Variants in ARHGEF3 observed in about 807,000 individuals in gnomAD.
ARHGEF3 encodes the protein Rho guanine nucleotide exchange factor 3.
In ARHGEF3, 28 loss-of-function variants were observed where a neutral mutation model predicts 63.2. The ratio of observed to expected loss-of-function variants is 0.44; its 90% CI spans 0.33 to 0.61. The LOEUF (loss-of-function observed/expected upper bound fraction) is 0.61. Ranked by LOEUF, ARHGEF3 falls within the 20% of genes least tolerant of loss-of-function variation. The pLI is 0.03. For synonymous variants in ARHGEF3, 266 were observed against 254.2 expected (o/e 1.05, Z -0.44); for missense variants, 533 against 659.3 (o/e 0.81, Z 2.10).
chr3:56,950,728 T>C (rs971211727), intron 3 of ARHGEF3, among the ~76,000 whole-genome samples: 1 of 152,050 alleles, frequency 6.6e-6, no homozygotes, highest in Non-Finnish European at 1.5e-5. Flanking sequence ...TGGCGATTCC[T>C]CAGGGATCTA....
intron 2 of ARHGEF3, among the ~76,000 whole-genome samples, chr3:56,768,387 G>C (rs1339668921): frequency 2.0e-5 from 3 of 150,034 alleles, no homozygotes; most frequent in Non-Finnish European, 4.4e-5. Flanking sequence ...TATATTATCA[G>C]AAAACAAAGC....
intron 1 of ARHGEF3, among the ~76,000 whole-genome samples, chr3:56,786,015 C>T (rs1400088879): frequency 2.0e-5 from 3 of 152,144 alleles, no homozygotes; most frequent in Non-Finnish European, 4.4e-5. Context: ...AAGATGCTCC[C>T]TGGTTAACTC....
intron 2 of ARHGEF3, among the ~76,000 whole-genome samples, chr3:56,994,733 C>A (rs1277393988): frequency 6.6e-6 from 1 of 152,120 alleles, no homozygotes; most frequent in African/African-American, 2.4e-5. Context: ...TCCCCCGAAT[C>A]CAGGACAATA....
chr3:56,856,780 A>T (rs1456775229), intron 4 of ARHGEF3, among the ~76,000 whole-genome samples: 1 of 138,632 alleles, frequency 7.2e-6, no homozygotes, highest in Non-Finnish European at 1.5e-5. Flanking sequence ...AACTGGAATT[A>T]AAAAAAAAAA....
In ARHGEF3 at chr3:56,753,818, T is replaced by C. The variant is rs191027560; in HGVS notation, c.376-252A>G. ...CTAGTCCAAAAAGTCATCTTTCATG[T>C]TACAGAACTTTGATGCAGCTGAACA... On this transcript the variant is annotated intron_variant, in intron 3 of 9. Transcript: ENST00000296315. 3.6e-3 allele frequency among the ~76,000 whole-genome samples: 554 copies of C among 152,342 alleles called. 4 individuals are homozygous for C. The highest frequency in any genetic ancestry group is 6.0e-3 in the Non-Finnish European group (407 of 68,030).
intron 1 of ARHGEF3, chr3:57,074,527 G>A (rs375488251): frequency 8.5e-5 from 41 of 484,724 alleles, no homozygotes; most frequent in East Asian, 2.4e-4. Context: ...CTTAGCCCCC[G>A]GGGAACCTTC....
At chr3:56,905,583 C>T (rs2041657817) in intron 3 of ARHGEF3, among the ~76,000 whole-genome samples, 1 of 152,212 alleles carries the variant, frequency 6.6e-6, no homozygotes, top group Admixed American at 6.5e-5. Context: ...GCATTAATAT[C>T]CAGAAACAGA....
intron 2 of ARHGEF3, among the ~76,000 whole-genome samples, chr3:56,994,210 G>A (rs1387435751): frequency 6.6e-6 from 1 of 151,592 alleles, no homozygotes; most frequent in Non-Finnish European, 1.5e-5. Flanking sequence ...AACTCTACAT[G>A]AAACTTGGGC....
intron 4 of ARHGEF3, among the ~76,000 whole-genome samples, chr3:56,835,560 C>T (rs1248030418): frequency 6.6e-6 from 1 of 152,138 alleles, no homozygotes; most frequent in Non-Finnish European, 1.5e-5. Flanking sequence ...AAATAATATG[C>T]TGAATTAATG....
chr3:56,972,951 G>A (rs755799680), intron 2 of ARHGEF3, among the ~76,000 whole-genome samples: 1 of 151,952 alleles, frequency 6.6e-6, no homozygotes, highest in Non-Finnish European at 1.5e-5. Flanking sequence ...GATGAGGGAT[G>A]GCAGGGACTT....
intron 4 of ARHGEF3, among the ~76,000 whole-genome samples, chr3:56,877,376 CTTT>C (rs755860299): frequency 7.3e-5 from 10 of 136,920 alleles, no homozygotes; most frequent in Non-Finnish European, 9.3e-5. Flanking sequence ...TACTATAATC[CTTT>C]TTTTTTTTTT....
intron 4 of ARHGEF3, among the ~76,000 whole-genome samples, chr3:56,823,497 C>T (rs1393445193): frequency 2.0e-5 from 3 of 152,128 alleles, no homozygotes; most frequent in Non-Finnish European, 2.9e-5. Flanking sequence ...CTGCCCTTCA[C>T]CTTGCTTGGA....
At chr3:56,791,370 G>A (rs2037069612) in intron 1 of ARHGEF3, among the ~76,000 whole-genome samples, 3 of 152,118 alleles carry the variant, frequency 2.0e-5, no homozygotes, top group Non-Finnish European at 4.4e-5. Context: ...TTGAACCTGA[G>A]AGGTTAAGGC....
chr3:56,875,345 G>A (rs1351709212), intron 4 of ARHGEF3, among the ~76,000 whole-genome samples: 5 of 152,114 alleles, frequency 3.3e-5, no homozygotes, highest in Admixed American at 2.6e-4. Context: ...GGAAAACCAT[G>A]CTAGTAAGAA....
At chr3:56,828,735 T>C (rs1011308622) in intron 4 of ARHGEF3, among the ~76,000 whole-genome samples, 16 of 152,064 alleles carry the variant, frequency 1.1e-4, no homozygotes, top group African/African-American at 3.9e-4. Context: ...AAACCTGCCA[T>C]CTGTGGGAGC....
intron 3 of ARHGEF3, among the ~76,000 whole-genome samples, chr3:56,923,142 C>G (rs1479377808): frequency 6.7e-6 from 1 of 148,568 alleles, no homozygotes; most frequent in Non-Finnish European, 1.5e-5. Flanking sequence ...ACAGGAGAAT[C>G]ACTTGAACCC....
intron 8 of ARHGEF3, among the ~76,000 whole-genome samples, chr3:56,736,011 A>G (rs1056087785): frequency 4.6e-5 from 7 of 151,918 alleles, no homozygotes; most frequent in Admixed American, 2.0e-4. Context: ...CAAAATGCAG[A>G]GTCTCTCTCC....
Position 56,936,167 on chromosome 3 carries a change from C to T in ARHGEF3, c.129+22656G>A, listed in dbSNP as rs112238188. ...GACTATGCCATAAGCTGTAGGAGAG[C>T]GAGCTGCTGAAAGATCACACTGAGT... On this transcript the variant is annotated intron_variant, in intron 3 of 12. Coordinates refer to the ARHGEF3 transcript ENST00000338458. Among the ~76,000 whole-genome samples, 476 of 152,166 alleles carry T rather than the reference C, an allele frequency of 3.1e-3. 4 individuals are homozygous for T. Among genetic ancestry groups the T allele is most frequent in the African/African-American group, 0.011 (444 of 41,508 alleles).
At chr3:56,766,024 G>C (rs531984132) in intron 2 of ARHGEF3, among the ~76,000 whole-genome samples, 1 of 151,702 alleles carries the variant, frequency 6.6e-6, no homozygotes, top group Non-Finnish European at 1.5e-5. Context: ...GACGTTCCTG[G>C]TTTTTTTTCC....
Sources: allele counts gnomAD v4.1 joint callset (sites outside exome capture counted in the v4.1 genomes callset), GRCh38; gene constraint gnomAD v4.1.1; transcripts MANE v1.5; gene names NCBI Gene and HGNC (gene_info 2026-07-23, HGNC 2026-07-21).